DIP2C: variants seen among roughly 807,000 people sequenced by gnomAD.
DIP2C encodes the protein disco-interacting protein 2 homolog C.
In DIP2C, 33 loss-of-function variants were observed where a neutral mutation model predicts 192.4. The ratio of observed to expected loss-of-function variants is 0.17; its 90% CI spans 0.13 to 0.23. DIP2C has a LOEUF of 0.23. DIP2C is among the 10% of genes least tolerant of loss of function. DIP2C has a pLI of 1.00. For missense variants in DIP2C, 1,537 were observed against 2,110.1 expected, an observed-to-expected ratio of 0.73 and a Z score of 5.32; for synonymous variants, 979 against 864.1, an observed-to-expected ratio of 1.13 and a Z score of -2.33.
intron 35 of DIP2C, 22 bp downstream of exon 35, chr10:283,250 G>GC (rs1564502275): frequency 6.3e-7 from 1 of 1,584,136 alleles, no homozygotes; most frequent in African/African-American, 1.3e-5. Context: ...GTTGGGGGGG[G>GC]GCCGCCAGCC....
intron 1 of DIP2C, among the ~76,000 whole-genome samples, chr10:538,923 T>C (rs994429269): frequency 8.5e-5 from 13 of 152,232 alleles, no homozygotes; most frequent in African/African-American, 3.1e-4. Context: ...GAATCTGCTA[T>C]ATGAACCTCA....
chr10:615,071 C>G (rs760342920), intron 1 of DIP2C, among the ~76,000 whole-genome samples: 35 of 152,238 alleles, frequency 2.3e-4, no homozygotes, highest in Non-Finnish European at 4.3e-4. Context: ...ACAGGCAGCG[C>G]TGTCCCAAGC....
At chr10:475,981 C>G (rs1374118281) in intron 2 of DIP2C, among the ~76,000 whole-genome samples, 1 of 152,310 alleles carries the variant, frequency 6.6e-6, no homozygotes, top group African/African-American at 2.4e-5. Flanking sequence ...TGCAGCATAC[C>G]GCTCTGCGCT....
At chr10:397,547 C>T (rs1436167113) in intron 10 of DIP2C, among the ~76,000 whole-genome samples, 1 of 138,060 alleles carries the variant, frequency 7.2e-6, no homozygotes, top group Non-Finnish European at 1.6e-5. Flanking sequence ...AAAAAAAGTG[C>T]TGAAGGGAGC....
At position 330,650 on chromosome 10, in the gene DIP2C, G is replaced by GTTTT. The variant is rs566210340; in HGVS notation, c.3585-1053_3585-1050dup. Among the ~76,000 whole-genome samples, 119 of 141,414 alleles carry GTTTT rather than the reference G, an allele frequency of 8.4e-4. 1 individual carries two copies. The highest frequency in any genetic ancestry group is 2.6e-3 in the African/African-American group (101 of 38,244). The allele number at this position is 141,414 out of a possible 152,430, so 92.8% of individuals were successfully genotyped here. ...ACCACAGGTGTGCACCACCATGCTT[G>GTTTT]TTTTTTTTTTTTTTCAGTGGTAGGG... is the stretch of plus-strand genomic sequence containing the variant. On this transcript the variant is annotated intron_variant, in intron 29 of 36. Coordinates refer to ENST00000280886, the MANE Select transcript of DIP2C (RefSeq NM_014974.3).
At chr10:598,498 G>A (rs1027503953) in intron 1 of DIP2C, among the ~76,000 whole-genome samples, 2 of 152,114 alleles carry the variant, frequency 1.3e-5, no homozygotes, top group Admixed American at 1.3e-4. Context: ...GAGGCCTCGC[G>A]ACAGGGGTAG....
At chr10:414,445 A>G (rs1375207527) in intron 7 of DIP2C, among the ~76,000 whole-genome samples, 1 of 152,156 alleles carries the variant, frequency 6.6e-6, no homozygotes, top group African/African-American at 2.4e-5. Flanking sequence ...TACCAACATC[A>G]GCTAGTGATT....
chr10:559,111 C>A (rs891992902), intron 1 of DIP2C, among the ~76,000 whole-genome samples: 5 of 152,322 alleles, frequency 3.3e-5, no homozygotes, highest in Admixed American at 2.6e-4. Flanking sequence ...AGTAAAATTT[C>A]TCCTTTCCAC....
chr10:548,476 C>G (rs1419179155), intron 1 of DIP2C, among the ~76,000 whole-genome samples: 11 of 147,136 alleles, frequency 7.5e-5, no homozygotes, highest in African/African-American at 2.3e-4. Flanking sequence ...GGCAGGCAGG[C>G]AGGCAGTGAG....
At chr10:388,911 T>C (rs1351415629) in intron 13 of DIP2C, among the ~76,000 whole-genome samples, 1 of 150,716 alleles carries the variant, frequency 6.6e-6, no homozygotes, top group South Asian at 2.1e-4. Flanking sequence ...GGAGGGGGTC[T>C]CAAGGGGCCT....
At chr10:522,579 T>C (rs1846782834) in intron 1 of DIP2C, among the ~76,000 whole-genome samples, 1 of 152,234 alleles carries the variant, frequency 6.6e-6, no homozygotes, top group African/African-American at 2.4e-5. Context: ...GCAGTTCCAG[T>C]TTTGGCCAGG....
intron 1 of DIP2C, among the ~76,000 whole-genome samples, chr10:492,349 G>A (rs933109352): frequency 6.6e-6 from 1 of 152,128 alleles, no homozygotes; most frequent in Admixed American, 6.5e-5. Context: ...TTGGCCACCC[G>A]TGCTCTGCCA....
chr10:379,184 A>C (rs1339392913), intron 17 of DIP2C, among the ~76,000 whole-genome samples: 558 of 13,006 alleles, frequency 0.043, no homozygotes, highest in Admixed American at 0.069. Context: ...CCCGAGTGCC[A>C]CGCCCCCCCC....
At chr10:330,686 C>A (rs921947877) in intron 29 of DIP2C, among the ~76,000 whole-genome samples, 1 of 151,312 alleles carries the variant, frequency 6.6e-6, no homozygotes, top group Non-Finnish European at 1.5e-5. Flanking sequence ...TCTATGTTGC[C>A]TAGGCTCATC....
intron 1 of DIP2C, among the ~76,000 whole-genome samples, chr10:575,548 G>T (rs1451501626): frequency 2.0e-5 from 3 of 152,182 alleles, no homozygotes; most frequent in South Asian, 2.1e-4. Flanking sequence ...GTCGCAAAGG[G>T]GCTTCTCCCT....
intron 22 of DIP2C, 79 bp from the exon 23 acceptor site, chr10:358,016 C>G (rs1453598027): frequency 9.2e-7 from 1 of 1,082,654 alleles, no homozygotes; most frequent in Non-Finnish European, 1.4e-6. Flanking sequence ...TTGGTAAAGA[C>G]CTTACTCTCG....
chr10:324,959 T>C (rs555210210), intron 31 of DIP2C: 29 of 532,906 alleles, frequency 5.4e-5, no homozygotes, highest in Non-Finnish European at 2.7e-5. Context: ...ACTCCTTCCT[T>C]GTAAACCATC....
chr10:553,402 C>A (rs568186145), intron 1 of DIP2C, among the ~76,000 whole-genome samples: 1 of 152,246 alleles, frequency 6.6e-6, no homozygotes, highest in Non-Finnish European at 1.5e-5. Flanking sequence ...TCAAGCCCTT[C>A]GTGAGCCTAG....
At chr10:417,121 T>C (rs992413583) in intron 6 of DIP2C, among the ~76,000 whole-genome samples, 4 of 152,212 alleles carry the variant, frequency 2.6e-5, no homozygotes, top group Non-Finnish European at 5.9e-5. Flanking sequence ...TCCCATTAAA[T>C]AGCCCAACTA....
Sources: allele counts gnomAD v4.1 joint callset (sites outside exome capture counted in the v4.1 genomes callset), GRCh38; gene constraint gnomAD v4.1.1; transcripts MANE v1.5; gene names NCBI Gene and HGNC (gene_info 2026-07-23, HGNC 2026-07-21).